Variants in AKT3 observed in about 807,000 individuals in gnomAD.
The protein encoded by AKT3 is AKT serine/threonine kinase 3.
In AKT3, 15 loss-of-function variants were observed where a neutral mutation model predicts 65.3. That is an observed-to-expected ratio of 0.23 (90% CI 0.15 to 0.35). AKT3 has a LOEUF of 0.35. AKT3 is among the 10% of genes least tolerant of loss of function. The pLI, the probability that AKT3 is intolerant of heterozygous loss-of-function variation, is 1.00. For synonymous variants in AKT3, 206 were observed against 183.8 expected (o/e 1.12, Z -0.98); for missense variants, 243 against 576.5 (o/e 0.42, Z 5.92).
At chr1:243,693,681 T>A (rs1010466581) in intron 3 of AKT3, among the ~76,000 whole-genome samples, 1 of 152,094 alleles carries the variant, frequency 6.6e-6, no homozygotes, top group African/African-American at 2.4e-5. Flanking sequence ...TGCGGCCAGG[T>A]TGGAATTTGA....
At chr1:243,509,819 C>CA (rs1377820944) in intron 13 of AKT3, among the ~76,000 whole-genome samples, 1 of 152,050 alleles carries the variant, frequency 6.6e-6, no homozygotes, top group Admixed American at 6.6e-5. Context: ...CACGGGAGGA[C>CA]AAAAACGCCA....
chr1:243,635,585 T>C (rs1679915385), intron 6 of AKT3, among the ~76,000 whole-genome samples: 1 of 151,942 alleles, frequency 6.6e-6, no homozygotes, highest in Non-Finnish European at 1.5e-5. Context: ...GTAATAATTA[T>C]TATGGGCAAA....
At chr1:243,639,666 T>C (rs1452975979) in intron 5 of AKT3, among the ~76,000 whole-genome samples, 1 of 152,184 alleles carries the variant, frequency 6.6e-6, no homozygotes, top group Non-Finnish European at 1.5e-5. Flanking sequence ...GGGGAAACTG[T>C]CAGTTCTGGG....
chr1:243,714,572 TA>T (rs1440885508), intron 2 of AKT3, among the ~76,000 whole-genome samples: 1 of 152,174 alleles, frequency 6.6e-6, no homozygotes, highest in Non-Finnish European at 1.5e-5. Flanking sequence ...TCAGTAAACC[TA>T]GATGCAAGAG....
chr1:243,662,373 G>T (rs1191472569), intron 4 of AKT3, among the ~76,000 whole-genome samples: 3 of 152,084 alleles, frequency 2.0e-5, no homozygotes, highest in African/African-American at 7.2e-5. Flanking sequence ...ATACTATGCA[G>T]CCATAAAAAA....
chr1:243,790,872 T>C (rs1407130066), intron 2 of AKT3, among the ~76,000 whole-genome samples: 1 of 152,132 alleles, frequency 6.6e-6, no homozygotes, highest in Non-Finnish European at 1.5e-5. Context: ...ACATACACAT[T>C]TATTAAGTTC....
chr1:243,638,284 AT>A (rs1680126326), intron 5 of AKT3, among the ~76,000 whole-genome samples: 1 of 152,182 alleles, frequency 6.6e-6, no homozygotes, highest in South Asian at 2.1e-4. Flanking sequence ...AGCAGTTGTT[AT>A]TCCTGAGAGA....
At chr1:243,780,524 G>GA (rs1690841085) in intron 2 of AKT3, among the ~76,000 whole-genome samples, 1 of 151,074 alleles carries the variant, frequency 6.6e-6, no homozygotes, top group East Asian at 1.9e-4. Flanking sequence ...AATGGTTCAG[G>GA]AAAAAATTCT....
At chr1:243,527,512 C>T (rs1021969539) in intron 12 of AKT3, among the ~76,000 whole-genome samples, 2 of 151,800 alleles carry the variant, frequency 1.3e-5, no homozygotes, top group Admixed American at 6.6e-5. Flanking sequence ...TTTTTTCTTT[C>T]GAGGAACAAG....
chr1:243,501,099 C>CACAT lies in AKT3; in HGVS notation c.*4146_*4149dup, dbSNP rs529724119. ...CCCTCAAATTTGGCCGTGTGACATACACATACATGCTTGACTCACTCTGGT... is the reference window on the plus strand; with the variant it reads ...CCCTCAAATTTGGCCGTGTGACATACACATACATACATGCTTGACTCACTCTGGT... On this transcript the variant is annotated 3_prime_UTR_variant, in exon 14 of 14. Transcript: ENST00000673466. 272 of 231,234 alleles carry CACAT rather than the reference C, an allele frequency of 1.2e-3. 1 individual carries two copies. The highest frequency in any genetic ancestry group is 5.7e-3 in the African/African-American group (257 of 45,330). 14.3% of individuals were successfully genotyped at this position (231,234 alleles called of 1,614,324 possible). A position where few individuals can be genotyped will look rare whatever the true frequency, so the allele number is the denominator to read the frequency against.
At chr1:243,667,604 A>G (rs1020154314) in intron 3 of AKT3, among the ~76,000 whole-genome samples, 1 of 152,162 alleles carries the variant, frequency 6.6e-6, no homozygotes, top group African/African-American at 2.4e-5. Context: ...TGATTCCAAA[A>G]AACTTAGAAT....
At chr1:243,732,757 T>G (rs549373686) in intron 2 of AKT3, among the ~76,000 whole-genome samples, 15 of 152,350 alleles carry the variant, frequency 9.8e-5, no homozygotes, top group African/African-American at 3.6e-4. Flanking sequence ...ATTCAAGTGA[T>G]TAGCAAGCAC....
intron 2 of AKT3, among the ~76,000 whole-genome samples, chr1:243,764,858 C>T (rs1375007204): frequency 6.6e-6 from 1 of 152,102 alleles, no homozygotes; most frequent in Non-Finnish European, 1.5e-5. Context: ...AGTCAGATTA[C>T]TAGCTGTTGC....
At chr1:243,829,393 G>A (rs1176715645) in intron 2 of AKT3, among the ~76,000 whole-genome samples, 1 of 151,986 alleles carries the variant, frequency 6.6e-6, no homozygotes, top group African/African-American at 2.4e-5. Context: ...GGAAAAGTCT[G>A]ACATATTAAA....
intron 4 of AKT3, among the ~76,000 whole-genome samples, chr1:243,647,338 T>C (rs775769981): frequency 3.3e-5 from 5 of 152,184 alleles, no homozygotes; most frequent in African/African-American, 4.8e-5. Context: ...CAATTGTCTA[T>C]AGTATTCAGT....
At chr1:243,505,743 T>C (rs565836934) in intron 13 of AKT3, among the ~76,000 whole-genome samples, 1 of 152,378 alleles carries the variant, frequency 6.6e-6, no homozygotes, top group Admixed American at 6.5e-5. Flanking sequence ...TGTCTTCAAG[T>C]GCTTATATTT....
chr1:243,715,869 T>C (rs985265500), intron 2 of AKT3, among the ~76,000 whole-genome samples: 5 of 152,004 alleles, frequency 3.3e-5, no homozygotes, highest in African/African-American at 1.2e-4. Context: ...GAATACTCCA[T>C]TTAGTGATAA....
At chr1:243,519,238 C>T (rs1227031083) in intron 12 of AKT3, among the ~76,000 whole-genome samples, 2 of 152,152 alleles carry the variant, frequency 1.3e-5, no homozygotes, top group Non-Finnish European at 2.9e-5. Context: ...AGAATTCTGA[C>T]TGAAAAATTT....
chr1:243,715,842 G>C (rs1686480338), intron 2 of AKT3, among the ~76,000 whole-genome samples: 1 of 151,996 alleles, frequency 6.6e-6, no homozygotes, highest in Non-Finnish European at 1.5e-5. Flanking sequence ...ATCAAGTTGA[G>C]GATATGTGTG....
Sources: allele counts gnomAD v4.1 joint callset (sites outside exome capture counted in the v4.1 genomes callset), GRCh38; gene constraint gnomAD v4.1.1; transcripts MANE v1.5; gene names NCBI Gene and HGNC (gene_info 2026-07-23, HGNC 2026-07-21).